The following MTF1 variants were observed in gnomAD, a reference collection of about 807,000 sequenced individuals.
MTF1 encodes the protein MRE-binding transcription factor.
A neutral mutation model predicts 70.4 loss-of-function variants in MTF1; 22 were observed. The ratio of observed to expected loss-of-function variants is 0.31; its 90% CI spans 0.22 to 0.45. The LOEUF is 0.45. Among genes scored for constraint, MTF1 ranks in the 20% least tolerant of loss-of-function variants. MTF1 has a pLI of 1.00. For missense variants in MTF1, 649 were observed against 922.0 expected, an observed-to-expected ratio of 0.70 and a Z score of 3.83; for synonymous variants, 333 against 352.8, an observed-to-expected ratio of 0.94 and a Z score of 0.63.
chr1:37,814,927 G>C lies in MTF1; in HGVS notation c.*209C>G, dbSNP rs999042668. On this transcript the variant is annotated 3_prime_UTR_variant, in exon 11 of 11. Transcript: ENST00000373036. ...GTTCACTTATAACTTAGCTTTTTTT[G>C]TTGTTTTTTTTGTTTTTTGTTTTTT... The C allele has an allele frequency of 5.4e-6, 3 of 553,372 alleles. No homozygotes were observed. The highest frequency in any genetic ancestry group is 9.5e-6 in the Non-Finnish European group (3 of 315,256). 34.3% of individuals were successfully genotyped at this position (553,372 alleles called of 1,614,324 possible).
intron 2 of MTF1, among the ~76,000 whole-genome samples, chr1:37,856,170 C>CTTTTTTTTTTT: frequency 1.3e-5 from 1 of 74,156 alleles, no homozygotes; most frequent in Non-Finnish European, 2.4e-5. Context: ...CCTGAATTTC[C>CTTTTTTTTTTT]TTTTTTTTTT....
At chr1:37,838,287 CCAGA>C (rs1248978705) in intron 4 of MTF1, among the ~76,000 whole-genome samples, 4 of 152,124 alleles carry the variant, frequency 2.6e-5, no homozygotes, top group African/African-American at 4.8e-5. Flanking sequence ...TTTTTTGTCA[CCAGA>C]CAAAGGTTCT....
intron 2 of MTF1, among the ~76,000 whole-genome samples, chr1:37,852,302 C>T (rs1641428053): frequency 6.6e-6 from 1 of 152,200 alleles, no homozygotes; most frequent in African/African-American, 2.4e-5. Context: ...TCCATTTGTT[C>T]ATGTTACTTT....
Position 37,832,299 on chromosome 1 carries a change from T to C in MTF1, c.1014A>G (p.Leu338=), listed in dbSNP as rs759491494. 2 of 1,613,340 alleles carry C rather than the reference T, an allele frequency of 1.2e-6. No homozygotes were observed. The highest frequency in any genetic ancestry group is 1.1e-5 in the South Asian group (1 of 91,002). ...GSEDTNHSLC[L]SDLSLLSTDS... ...CTGTGGACAGAAGGCTCAAGTCACT[T>C]AGACAAAGTGAGTGATTTGTATCCT... The change falls in exon 7 of 11, where the codon CTA becomes CTG. Residue 338 remains leucine, a synonymous_variant. Transcript: ENST00000373036.
Position 37,822,220 on chromosome 1 carries a change from G to A in MTF1, c.1668C>T (p.Pro556=). The A allele has an allele frequency of 1.2e-6, 2 of 1,614,172 alleles. No individual in the cohort carries two copies. Among genetic ancestry groups the A allele is most frequent in the Non-Finnish European group, 1.7e-6 (2 of 1,180,034 alleles). The change falls in exon 9 of 11, where the codon CCC becomes CCT. Residue 556 remains proline, a synonymous_variant. Transcript: ENST00000373036. ...NNPTITITPT[P]NTAILQSSLV... is the part of the protein sequence containing the mutation. The stretch of plus-strand genomic sequence containing the variant: ...GGCTGGACTGCAGGATAGCTGTGTT[G>A]GGAGTTGGGGTGATGGTTATTGTGG...
intron 4 of MTF1, among the ~76,000 whole-genome samples, chr1:37,837,679 T>C (rs1206775819): frequency 6.6e-6 from 1 of 152,042 alleles, no homozygotes; most frequent in African/African-American, 2.4e-5. Context: ...CTGATTTTTG[T>C]AGTTTTAGTA....
rs900957526 is a variant in MTF1, at chr1:37,812,958, G to A, written c.*2178C>T. 6.6e-6 allele frequency: 1 copy of A among 152,216 alleles called. No homozygotes were observed. The highest frequency in any genetic ancestry group is 2.4e-5 in the African/African-American group (1 of 41,444). 9.4% of individuals were successfully genotyped at this position (152,216 alleles called of 1,614,324 possible). A position where few individuals can be genotyped will look rare whatever the true frequency, so the allele number is the denominator to read the frequency against. The stretch of plus-strand genomic sequence containing the variant: ...GTCAACAGAAGCCACAATCCTTTTG[G>A]GGAAGGGAGTGCAGAAGGTCAAAAA... On this transcript the variant is annotated 3_prime_UTR_variant, in exon 11 of 11. Transcript: ENST00000373036.
At chr1:37,858,155 C>G (rs546224681) in intron 1 of MTF1, among the ~76,000 whole-genome samples, 1 of 152,058 alleles carries the variant, frequency 6.6e-6, no homozygotes, top group East Asian at 1.9e-4. Flanking sequence ...GCAAACAGAA[C>G]AGCAGCTGCT....
At chr1:37,858,276 A>C (rs1391395705) in intron 1 of MTF1, among the ~76,000 whole-genome samples, 1 of 152,226 alleles carries the variant, frequency 6.6e-6, no homozygotes, top group African/African-American at 2.4e-5. Context: ...AGAAGGAGCA[A>C]GGCTTTGGAG....
chr1:37,821,499 A>G (rs1640910741), intron 9 of MTF1, among the ~76,000 whole-genome samples: 1 of 152,144 alleles, frequency 6.6e-6, no homozygotes, highest in African/African-American at 2.4e-5. Context: ...TAAAAAATAA[A>G]TCATGTTTTT....
chr1:37,852,112 C>A lies in MTF1; in HGVS notation c.408+5139G>T, dbSNP rs377499661. Among the ~76,000 whole-genome samples, 3 of 152,282 alleles carry A rather than the reference C, an allele frequency of 2.0e-5. No homozygotes were observed. The East Asian group carries it at 5.8e-4, about 29-fold the overall frequency. ...TCAGCTTCCACAACACTGCAGTCGA[C>A]CCATCTCTTTGACTACTGTGATCTT... On this transcript the variant is annotated intron_variant, in intron 2 of 10. Transcript: ENST00000373036.
At chr1:37,845,565 G>C (rs1291302271) in intron 2 of MTF1, among the ~76,000 whole-genome samples, 1 of 152,202 alleles carries the variant, frequency 6.6e-6, no homozygotes, top group Non-Finnish European at 1.5e-5. Flanking sequence ...GCTGAATGCA[G>C]TGGCATGATC....
chr1:37,851,859 TAA>T (rs374629951), intron 2 of MTF1, among the ~76,000 whole-genome samples: 72 of 136,820 alleles, frequency 5.3e-4, no homozygotes, highest in Non-Finnish European at 7.4e-4. Flanking sequence ...CAAACTTATT[TAA>T]AAAAAAAAAA....
At chr1:37,856,926 C>G (rs956444165) in intron 2 of MTF1, among the ~76,000 whole-genome samples, 2 of 152,170 alleles carry the variant, frequency 1.3e-5, no homozygotes, top group Non-Finnish European at 2.9e-5. Context: ...TAAGCAAACT[C>G]CAGTTATTTC....
intron 2 of MTF1, among the ~76,000 whole-genome samples, chr1:37,841,907 A>G (rs554639707): frequency 2.0e-5 from 3 of 152,050 alleles, no homozygotes; most frequent in Non-Finnish European, 2.9e-5. Flanking sequence ...GCATGGTGAC[A>G]CATGCCTATA....
intron 2 of MTF1, among the ~76,000 whole-genome samples, chr1:37,844,202 C>T (rs1252314479): frequency 6.6e-6 from 1 of 152,186 alleles, no homozygotes; most frequent in Non-Finnish European, 1.5e-5. Flanking sequence ...ACTCAGTAAG[C>T]AGCCAAACAG....
chr1:37,819,864 A>G (rs370155951), intron 9 of MTF1, among the ~76,000 whole-genome samples: 1 of 149,130 alleles, frequency 6.7e-6, no homozygotes, highest in East Asian at 2.1e-4. Flanking sequence ...AGGCAGGAGA[A>G]TCGCTTGAAG....
chr1:37,832,250 T>C lies in MTF1; in HGVS notation c.1063A>G (p.Ser355Gly), dbSNP rs777032664. 6.2e-6 allele frequency: 10 copies of C among 1,609,116 alleles called. No individual in the cohort carries two copies. In the East Asian group the frequency reaches 2.0e-4, roughly 32 times the overall value. ...STDSELRENSSTTQGQDLSTI... is the reference protein window; with the variant it reads ...STDSELRENSGTTQGQDLSTI... ...GGTATTACAGGTACACTTACCGTAC[T>C]GGAATTTTCTCGCAATTCAGAATCT... is the stretch of plus-strand genomic sequence containing the variant. The change falls in exon 7 of 11, where the codon AGT (serine) becomes GGT (glycine). Residue 355 changes from serine to glycine, a missense_variant. Around this residue, in one of 7 missense-constraint regions of MTF1, gnomAD observed 267 missense variants for 292.1 expected, o/e 0.91. Transcript: ENST00000373036.
intron 2 of MTF1, among the ~76,000 whole-genome samples, chr1:37,848,943 T>C (rs963037238): frequency 6.6e-6 from 1 of 152,110 alleles, no homozygotes. Context: ...TAATGAGGCA[T>C]GAGATTGGAA....
Sources: gnomAD v4.1 joint callset for allele counts (sites outside exome capture counted in the v4.1 genomes callset) on GRCh38, gnomAD v4.1.1 for gene constraint, gnomAD v4.1.1 regional missense constraint, MANE v1.5 for transcripts, NCBI Gene and HGNC (gene_info 2026-07-23, HGNC 2026-07-21) for gene names.